The following PACRG variants were observed in gnomAD, a reference collection of about 807,000 sequenced individuals.
PACRG encodes the protein parkin coregulated gene protein.
A neutral mutation model predicts 29.7 loss-of-function variants in PACRG; 29 were observed. That is an observed-to-expected ratio of 0.98 (90% CI 0.73 to 1.33). The LOEUF is 1.33. PACRG is among the 40% of genes most tolerant of loss of function. The pLI is 0.00. For missense variants in PACRG, 279 were observed against 316.2 expected (o/e 0.88, Z 0.89); for synonymous variants, 116 against 118.7 (o/e 0.98, Z 0.15).
chr6:163,122,999 G>A (rs906273691), intron 4 of PACRG, among the ~76,000 whole-genome samples: 6 of 152,212 alleles, frequency 3.9e-5, no homozygotes, highest in Non-Finnish European at 7.3e-5. Context: ...AAGGACACCC[G>A]TGGAGTGGTT....
intron 2 of PACRG, among the ~76,000 whole-genome samples, chr6:162,915,579 G>C (rs1199574622): frequency 6.6e-6 from 1 of 151,796 alleles, no homozygotes; most frequent in African/African-American, 2.4e-5. Context: ...TTTTCTCTTT[G>C]TACCATGTTT....
At chr6:162,904,097 A>C (rs1795764923) in intron 2 of PACRG, among the ~76,000 whole-genome samples, 1 of 152,202 alleles carries the variant, frequency 6.6e-6, no homozygotes, top group African/African-American at 2.4e-5. Flanking sequence ...CCTTGAAGCT[A>C]GATTCCTTCC....
chr6:163,259,199 G>T (rs182056049), intron 4 of PACRG, among the ~76,000 whole-genome samples: 1 of 152,120 alleles, frequency 6.6e-6, no homozygotes, highest in Non-Finnish European at 1.5e-5. Flanking sequence ...TCCTTTCAAC[G>T]TGCCACACTG....
rs561225600 is a variant in PACRG at position 163,187,060 on chromosome 6, G to A, written c.613+97652G>A. Reference sequence around the variant, plus strand: ...CCGTCCTCAAGCTCCACAGGGTCCCGGGTAATTTCATCCGTTTCCCTTCCC... The same window carrying A: ...CCGTCCTCAAGCTCCACAGGGTCCCAGGTAATTTCATCCGTTTCCCTTCCC... On this transcript the variant is annotated intron_variant, in intron 4 of 4. Transcript: ENST00000366888. 3.9e-5 allele frequency among the ~76,000 whole-genome samples: 6 copies of A among 152,298 alleles called. No individual in the cohort carries two copies. In the South Asian group the frequency reaches 1.0e-3, roughly 26 times the overall value.
chr6:163,232,076 T>A (rs576068359), intron 4 of PACRG, among the ~76,000 whole-genome samples: 8 of 152,352 alleles, frequency 5.3e-5, no homozygotes, highest in Admixed American at 2.6e-4. Context: ...TTGCTGGGAC[T>A]CTCAGGCCAG....
At position 163,049,793 on chromosome 6, in the gene PACRG, G is replaced by A. The variant is rs1337613484; in HGVS notation, c.292-12357G>A. ...TCAAACTCTGATAGCATTCTCTTTG[G>A]ACAGACATTAGAAAAACAGGTAGTC... On this transcript the variant is annotated intron_variant, in intron 2 of 4. Transcript: ENST00000366888. Among the ~76,000 whole-genome samples the A allele has an allele frequency of 5.3e-5, 8 of 151,870 alleles. No homozygotes were observed. In the East Asian group the frequency reaches 1.4e-3, roughly 26 times the overall value.
rs1447309014 is a variant in PACRG, at chr6:162,870,633, T to C, written c.291+56352T>C. Among the ~76,000 whole-genome samples, 3 of 152,204 alleles carry C rather than the reference T, an allele frequency of 2.0e-5. No homozygotes were observed. The East Asian group carries it at 5.8e-4, about 29-fold the overall frequency. On this transcript the variant is annotated intron_variant, in intron 2 of 4. Coordinates refer to ENST00000366888, the MANE Select transcript of PACRG (RefSeq NM_001080379.2). ...ACTGTGGCATTCTTATGCCTTTGCGTCCTCATAGCTTAGCTCCCACTTATG... is the reference window on the plus strand; with the variant it reads ...ACTGTGGCATTCTTATGCCTTTGCGCCCTCATAGCTTAGCTCCCACTTATG...
intron 2 of PACRG, among the ~76,000 whole-genome samples, chr6:163,008,886 C>A (rs1166143468): frequency 6.6e-6 from 1 of 152,040 alleles, no homozygotes; most frequent in African/African-American, 2.4e-5. Context: ...TGAGGTGAAA[C>A]TTCAATGAGC....
At chr6:162,823,516 C>CTT (rs545819014) in intron 2 of PACRG, among the ~76,000 whole-genome samples, 14 of 142,768 alleles carry the variant, frequency 9.8e-5, no homozygotes, top group African/African-American at 2.3e-4. Flanking sequence ...CTTTTCTCTT[C>CTT]TTTTTTTTTT....
intron 2 of PACRG, among the ~76,000 whole-genome samples, chr6:162,875,620 G>A (rs1415517263): frequency 6.6e-6 from 1 of 152,228 alleles, no homozygotes; most frequent in South Asian, 2.1e-4. Context: ...CACATAGGTT[G>A]TACATTAACC....
At chr6:163,154,202 T>C (rs1209809427) in intron 4 of PACRG, among the ~76,000 whole-genome samples, 1 of 152,200 alleles carries the variant, frequency 6.6e-6, no homozygotes, top group Non-Finnish European at 1.5e-5. Flanking sequence ...CCCCCAGGGT[T>C]GCTCAGCCAA....
At chr6:162,794,265 T>A (rs1419333564) in intron 1 of PACRG, among the ~76,000 whole-genome samples, 1 of 152,198 alleles carries the variant, frequency 6.6e-6, no homozygotes, top group Non-Finnish European at 1.5e-5. Context: ...TACTCTTCTG[T>A]TGTTACTATA....
At chr6:162,908,086 A>T (rs1350599293) in intron 2 of PACRG, among the ~76,000 whole-genome samples, 2 of 152,238 alleles carry the variant, frequency 1.3e-5, no homozygotes, top group African/African-American at 2.4e-5. Flanking sequence ...TAACCACCAG[A>T]TGTCACTGTC....
chr6:162,763,815 C>T (rs370895824), intron 1 of PACRG, among the ~76,000 whole-genome samples: 12 of 152,096 alleles, frequency 7.9e-5, no homozygotes, highest in African/African-American at 2.4e-4. Flanking sequence ...AACCTTCAGT[C>T]GGCCATGTTT....
chr6:162,859,507 C>T (rs931524584), intron 2 of PACRG, among the ~76,000 whole-genome samples: 2 of 152,120 alleles, frequency 1.3e-5, no homozygotes, highest in Admixed American at 6.5e-5. Flanking sequence ...TGTGACACCT[C>T]GGAGGTCACT....
rs112564498 is a variant in PACRG, at chr6:163,264,211, C to T, written c.614-50616C>T. Among the ~76,000 whole-genome samples, 1,227 of 152,268 alleles carry T rather than the reference C, an allele frequency of 8.1e-3. 12 individuals carry two copies. Among genetic ancestry groups the T allele is most frequent in the African/African-American group, 0.028 (1,175 of 41,548 alleles). On this transcript the variant is annotated intron_variant, in intron 4 of 4. Transcript: ENST00000366888. Reference sequence around the variant, plus strand: ...ATTCAGAGTTGTAATTAAGTAAGGCCGGACCTCTGGAAGCTCTCCTTCCCT... The same window carrying T: ...ATTCAGAGTTGTAATTAAGTAAGGCTGGACCTCTGGAAGCTCTCCTTCCCT...
chr6:162,784,913 A>T (rs953535614), intron 1 of PACRG, among the ~76,000 whole-genome samples: 11 of 152,084 alleles, frequency 7.2e-5, no homozygotes, highest in Admixed American at 2.0e-4. Flanking sequence ...GGGAATGGAG[A>T]TGTTTCAGTG....
At chr6:163,132,723 G>A (rs1816788316) in intron 4 of PACRG, among the ~76,000 whole-genome samples, 1 of 152,052 alleles carries the variant, frequency 6.6e-6, no homozygotes. Context: ...GCTCTTAATG[G>A]CACTTATTAA....
intron 4 of PACRG, among the ~76,000 whole-genome samples, chr6:163,198,339 C>A (rs573414446): frequency 3.0e-4 from 45 of 152,194 alleles, no homozygotes; most frequent in African/African-American, 9.4e-4. Context: ...ATCATTTGTT[C>A]AAAAAACACC....
Sources: allele counts gnomAD v4.1 joint callset (sites outside exome capture counted in the v4.1 genomes callset), GRCh38; gene constraint gnomAD v4.1.1; transcripts MANE v1.5; gene names NCBI Gene and HGNC (gene_info 2026-07-23, HGNC 2026-07-21).